WDR37: variants seen among roughly 807,000 people sequenced by gnomAD.
WDR37 encodes the protein WD repeat domain 37, also known as WD repeat-containing protein 37.
Under a neutral mutation model 62.9 loss-of-function variants are expected in WDR37, and 19 were observed. The ratio of observed to expected loss-of-function variants is 0.30; its 90% CI spans 0.21 to 0.44. The LOEUF is 0.44. WDR37 is among the 20% of genes least tolerant of loss of function. The pLI is 1.00. For synonymous variants in WDR37, 250 were observed against 260.9 expected (o/e 0.96, Z 0.40); for missense variants, 474 against 657.6 (o/e 0.72, Z 3.05).
intron 5 of WDR37, among the ~76,000 whole-genome samples, chr10:1,083,601 G>T (rs1335478537): frequency 6.6e-6 from 1 of 152,212 alleles, no homozygotes; most frequent in Non-Finnish European, 1.5e-5. Flanking sequence ...AATTTAAAAA[G>T]CAAACTCTGC....
chr10:1,112,215 C>T (rs996336105), intron 11 of WDR37, among the ~76,000 whole-genome samples: 6 of 152,178 alleles, frequency 3.9e-5, no homozygotes, highest in African/African-American at 9.7e-5. Flanking sequence ...TTTGGTCATT[C>T]TCACAATACT....
rs536201118 is a variant in WDR37, at chr10:1,082,154, A to G, written c.396+1678A>G. On this transcript the variant is annotated intron_variant, in intron 5 of 13. Coordinates refer to ENST00000263150, the MANE Select transcript of WDR37 (RefSeq NM_014023.4). Reference sequence around the variant, plus strand: ...AAGAAATAATTTGGTAACAGAATATATTCTGATTCGTACTACAGTGTGGAT... The same window carrying G: ...AAGAAATAATTTGGTAACAGAATATGTTCTGATTCGTACTACAGTGTGGAT... Among the ~76,000 whole-genome samples the G allele has an allele frequency of 6.4e-4, 98 of 152,366 alleles. No individual in the cohort carries two copies. The South Asian group carries it at 7.9e-3, about 12-fold the overall frequency.
intron 7 of WDR37, among the ~76,000 whole-genome samples, chr10:1,091,753 C>T (rs1034588613): frequency 6.6e-6 from 1 of 152,160 alleles, no homozygotes; most frequent in Admixed American, 6.5e-5. Flanking sequence ...GCCTGTGGAG[C>T]CGGGCTCTGT....
chr10:1,071,946 G>A (rs1214042765), intron 1 of WDR37, among the ~76,000 whole-genome samples, 170 bp from the exon 2 acceptor site: 1 of 152,024 alleles, frequency 6.6e-6, no homozygotes, highest in African/African-American at 2.4e-5. Context: ...TTTAATAAAG[G>A]CTGTGGTCCC....
chr10:1,067,722 G>T (rs964057601), intron 1 of WDR37, among the ~76,000 whole-genome samples: 3 of 152,132 alleles, frequency 2.0e-5, no homozygotes, highest in African/African-American at 7.2e-5. Flanking sequence ...ACACCTAACG[G>T]AACAGCTAAA....
chr10:1,105,140 T>C lies in WDR37; in HGVS notation c.976T>C (p.Leu326=), dbSNP rs771891393. ...VHSLTGHDQE[L]THCCTHPTQR... is the part of the protein sequence containing the mutation. Reference sequence around the variant, plus strand: ...CTTGGTTACAGGGCACGACCAGGAGTTGACGCACTGCTGCACACACCCCAC... The same window carrying C: ...CTTGGTTACAGGGCACGACCAGGAGCTGACGCACTGCTGCACACACCCCAC... The change falls in exon 11 of 14, where the codon TTG becomes CTG. Residue 326 remains leucine, a synonymous_variant. Transcript: ENST00000263150. This position sits in a 1 kb window ranked among gnomAD's most constrained non-coding sequence, Gnocchi z 5.3. The C allele has an allele frequency of 9.9e-6, 16 of 1,613,562 alleles. No homozygotes were observed. In the African/African-American group the frequency reaches 1.1e-4, roughly 11 times the overall value.
At chr10:1,102,007 G>A (rs57043103) in intron 9 of WDR37, among the ~76,000 whole-genome samples, 4 of 151,364 alleles carry the variant, frequency 2.6e-5, no homozygotes, top group African/African-American at 7.3e-5. Context: ...TCCCTGTGAC[G>A]TGCTTTCCCT....
intron 9 of WDR37, among the ~76,000 whole-genome samples, chr10:1,098,845 A>T (rs1452575298): frequency 2.0e-5 from 3 of 152,196 alleles, no homozygotes; most frequent in African/African-American, 4.8e-5. Context: ...GTGCCTAGAA[A>T]GATGCTCCTT....
chr10:1,058,174 G>C (rs773826110), intron 1 of WDR37, among the ~76,000 whole-genome samples: 14 of 146,976 alleles, frequency 9.5e-5, no homozygotes, highest in Non-Finnish European at 2.1e-4. Flanking sequence ...ACAGGAGACA[G>C]AGTAGGGACT....
intron 3 of WDR37, 76 bp downstream of exon 3, chr10:1,078,079 C>A: frequency 2.6e-6 from 3 of 1,135,838 alleles, no homozygotes; most frequent in Non-Finnish European, 3.8e-6. Context: ...ACATTCATCA[C>A]TATATTAGTT....
In WDR37 at chr10:1,103,863, C is replaced by T. The variant is rs758993340; in HGVS notation, c.961+27C>T. The T allele has an allele frequency of 1.5e-5, 24 of 1,609,098 alleles. No homozygotes were observed. Among genetic ancestry groups the T allele is most frequent in the Middle Eastern group, 3.3e-4 (2 of 6,070 alleles). ...TGCCTGGGTTCTCTGAGTCCGCCGC[C>T]TCCTGGCTGTGCATGTTAGTTTATG... On this transcript the variant is annotated intron_variant, in intron 10 of 13. Coordinates refer to ENST00000263150, the MANE Select transcript of WDR37 (RefSeq NM_014023.4). The surrounding 1 kb of genome is among the most constrained non-coding windows in gnomAD (Gnocchi z 6.3).
At chr10:1,125,585 T>C (rs1464090208) in intron 13 of WDR37, among the ~76,000 whole-genome samples, 2 of 152,206 alleles carry the variant, frequency 1.3e-5, no homozygotes, top group African/African-American at 4.8e-5. Flanking sequence ...TTCACAGGCA[T>C]GCGGAACGAG....
Position 1,063,083 on chromosome 10 carries a change from T to TAA in WDR37, c.-41+6129_-41+6130dup, listed in dbSNP as rs57894038. ...CCTGGGGAACAGAGCGACACTCTGT[T>TAA]AAAAAAAAAAAAAAAGAGACTGAAA... is the stretch of plus-strand genomic sequence containing the variant. On this transcript the variant is annotated intron_variant, in intron 1 of 13. Coordinates refer to ENST00000263150, the MANE Select transcript of WDR37 (RefSeq NM_014023.4). Among the ~76,000 whole-genome samples the TAA allele has an allele frequency of 5.0e-3, 692 of 137,638 alleles. 3 individuals are homozygous for TAA. The highest frequency in any genetic ancestry group is 7.6e-3 in the Admixed American group (104 of 13,602). 90.3% of individuals were successfully genotyped at this position (137,638 alleles called of 152,430 possible).
Position 1,056,542 on chromosome 10 carries a change from G to A in WDR37, c.-467G>A, listed in dbSNP as rs1833170212. On this transcript the variant is annotated 5_prime_UTR_variant, in exon 1 of 14. Transcript: ENST00000263150. ...GCCCCGGCTGCCGGGCTACGGGGCA[G>A]ATGGACTCGGAGCGCCCCGCCGGTG... The A allele has an allele frequency of 6.6e-6, 1 of 152,200 alleles. No homozygotes were observed. The highest frequency in any genetic ancestry group is 2.4e-5 in the African/African-American group (1 of 41,454). The allele number at this position is 152,200 out of a possible 1,614,324, so 9.4% of individuals were successfully genotyped here. A position where few individuals can be genotyped will look rare whatever the true frequency, so the allele number is the denominator to read the frequency against.
rs1833753675 is a variant in WDR37, at chr10:1,072,307, G to T, written c.138+14G>T. On this transcript the variant is annotated intron_variant, in intron 2 of 13. Transcript: ENST00000263150. ...TTAGAAGGACAAGTAAGCTACGATT[G>T]ATTAGGGCCTTATTGATTGATTGAT... 1 of 1,611,708 alleles carries T rather than the reference G, an allele frequency of 6.2e-7. No individual in the cohort carries two copies. The highest frequency in any genetic ancestry group is 2.2e-5 in the East Asian group (1 of 44,804).
At chr10:1,125,938 G>A (rs1050488565) in intron 13 of WDR37, among the ~76,000 whole-genome samples, 1 of 152,206 alleles carries the variant, frequency 6.6e-6, no homozygotes, top group Non-Finnish European at 1.5e-5. Context: ...AAAGAGAATC[G>A]AGACTCCATG....
intron 11 of WDR37, among the ~76,000 whole-genome samples, chr10:1,109,586 C>T (rs1346412664): frequency 6.6e-6 from 1 of 152,206 alleles, no homozygotes; most frequent in Non-Finnish European, 1.5e-5. Context: ...TGGCGCACGC[C>T]TGTAATCCCA....
At chr10:1,061,806 C>T (rs564373115) in intron 1 of WDR37, among the ~76,000 whole-genome samples, 5 of 149,736 alleles carry the variant, frequency 3.3e-5, no homozygotes, top group African/African-American at 1.2e-4. Flanking sequence ...CACCACTGCA[C>T]TCCAGCCTGG....
At chr10:1,088,539 C>G (rs2131635847) in intron 7 of WDR37, among the ~76,000 whole-genome samples, 1 of 152,052 alleles carries the variant, frequency 6.6e-6, no homozygotes, top group South Asian at 2.1e-4. Flanking sequence ...AGTCATAACT[C>G]CCACAACATT....
Sources: gnomAD v4.1 joint callset for allele counts (sites outside exome capture counted in the v4.1 genomes callset) on GRCh38, gnomAD v4.1.1 for gene constraint, Gnocchi (gnomAD v3.1) non-coding constraint, MANE v1.5 for transcripts, NCBI Gene and HGNC (gene_info 2026-07-23, HGNC 2026-07-21) for gene names.